The following LHFPL3 variants were observed in gnomAD, a reference collection of about 807,000 sequenced individuals.
LHFPL3 encodes LHFPL tetraspan subfamily member 3 protein.
A neutral mutation model predicts 19.3 loss-of-function variants in LHFPL3; 5 were observed. The ratio of observed to expected loss-of-function variants is 0.26; its 90% CI spans 0.14 to 0.54. The LOEUF (loss-of-function observed/expected upper bound fraction) is 0.54. LHFPL3 is among the 20% of genes least tolerant of loss of function. LHFPL3 has a pLI of 0.94. For missense variants in LHFPL3, 249 were observed against 307.4 expected (o/e 0.81, Z 1.42); for synonymous variants, 133 against 126.2 (o/e 1.05, Z -0.36).
chr7:104,733,342 A>T (rs566838525), intron 1 of LHFPL3, among the ~76,000 whole-genome samples: 2 of 152,182 alleles, frequency 1.3e-5, no homozygotes, highest in South Asian at 4.1e-4. Flanking sequence ...TCCCCTTATT[A>T]TTGTGTGGGA....
intron 1 of LHFPL3, among the ~76,000 whole-genome samples, chr7:104,483,696 G>A (rs1562911791): frequency 6.6e-6 from 1 of 152,132 alleles, no homozygotes; most frequent in Non-Finnish European, 1.5e-5. Context: ...CATCACTGCA[G>A]CCTCAAACTC....
At chr7:104,700,137 T>G (rs925376517) in intron 1 of LHFPL3, among the ~76,000 whole-genome samples, 2 of 152,218 alleles carry the variant, frequency 1.3e-5, no homozygotes, top group Non-Finnish European at 2.9e-5. Flanking sequence ...GTGAGAACCA[T>G]GCAGAATCTA....
At chr7:104,888,048 C>T (rs1290469091) in intron 2 of LHFPL3, among the ~76,000 whole-genome samples, 1 of 152,188 alleles carries the variant, frequency 6.6e-6, no homozygotes, top group African/African-American at 2.4e-5. Context: ...CTGCTGTGGG[C>T]TGATCCTTCA....
chr7:104,338,092 T>C (rs1453505402), intron 1 of LHFPL3, among the ~76,000 whole-genome samples: 2 of 133,394 alleles, frequency 1.5e-5, no homozygotes, highest in Non-Finnish European at 3.1e-5. Context: ...TTTTCCTTTT[T>C]CTTTTTTTTT....
At chr7:104,481,899 A>G (rs1793143571) in intron 1 of LHFPL3, among the ~76,000 whole-genome samples, 2 of 152,196 alleles carry the variant, frequency 1.3e-5, no homozygotes, top group South Asian at 4.1e-4. Context: ...AGGATATGCT[A>G]CTGTGTGGTA....
At chr7:104,906,131 A>T in intron 2 of LHFPL3, 56 bp from the exon 3 acceptor site, 1 of 1,520,760 alleles carries the variant, frequency 6.6e-7, no homozygotes, top group South Asian at 1.2e-5. Context: ...ACAGAAAATG[A>T]TGTATTTTTT....
At chr7:104,633,353 G>A (rs1322941936) in intron 1 of LHFPL3, among the ~76,000 whole-genome samples, 2 of 152,092 alleles carry the variant, frequency 1.3e-5, no homozygotes, top group Admixed American at 1.3e-4. Flanking sequence ...ATCCACAACA[G>A]GCATTTTGTC....
intron 1 of LHFPL3, among the ~76,000 whole-genome samples, chr7:104,344,092 C>A (rs1237261632): frequency 6.6e-6 from 1 of 151,950 alleles, no homozygotes; most frequent in East Asian, 1.9e-4. Flanking sequence ...TTATTGAATG[C>A]AATTCCTGCA....
intron 1 of LHFPL3, among the ~76,000 whole-genome samples, chr7:104,352,563 C>G (rs1297242778): frequency 1.3e-5 from 2 of 152,156 alleles, no homozygotes; most frequent in East Asian, 3.9e-4. Context: ...ATGCATGTCC[C>G]CTTTGATGAG....
At chr7:104,555,137 T>A (rs1794739773) in intron 1 of LHFPL3, among the ~76,000 whole-genome samples, 1 of 152,152 alleles carries the variant, frequency 6.6e-6, no homozygotes, top group South Asian at 2.1e-4. Flanking sequence ...CACCCAGAAA[T>A]GACGCTTTCC....
At chr7:104,845,039 C>T (rs1319592451) in intron 2 of LHFPL3, among the ~76,000 whole-genome samples, 2 of 152,228 alleles carry the variant, frequency 1.3e-5, no homozygotes, top group African/African-American at 4.8e-5. Flanking sequence ...CGCACCCGGC[C>T]TCTAAGTATT....
At chr7:104,588,759 T>A (rs1476781921) in intron 1 of LHFPL3, among the ~76,000 whole-genome samples, 2 of 152,234 alleles carry the variant, frequency 1.3e-5, no homozygotes, top group African/African-American at 4.8e-5. Flanking sequence ...GTATGGAATG[T>A]TCTTCCATTT....
chr7:104,483,812 G>A (rs1793184834), intron 1 of LHFPL3, among the ~76,000 whole-genome samples: 1 of 151,926 alleles, frequency 6.6e-6, no homozygotes, highest in South Asian at 2.1e-4. Flanking sequence ...TTTGTGTAGA[G>A]ACAGAGTCTC....
intron 2 of LHFPL3, among the ~76,000 whole-genome samples, chr7:104,800,501 C>A (rs560740181): frequency 6.6e-6 from 1 of 152,318 alleles, no homozygotes; most frequent in Admixed American, 6.5e-5. Flanking sequence ...TTGTCTCAAA[C>A]ACCCACAACC....
intron 1 of LHFPL3, among the ~76,000 whole-genome samples, chr7:104,655,794 T>A (rs1306218629): frequency 6.6e-6 from 1 of 152,254 alleles, no homozygotes; most frequent in Non-Finnish European, 1.5e-5. Flanking sequence ...TGGTTACCAA[T>A]GACTTTCAGT....
chr7:104,906,445 G>A lies in LHFPL3; in HGVS notation c.*230G>A, dbSNP rs1792617180. On this transcript the variant is annotated 3_prime_UTR_variant, in exon 3 of 3. Transcript: ENST00000424859. The stretch of plus-strand genomic sequence containing the variant: ...AGATGTGATCATGGATTAAACACCA[G>A]CTCATTGGAAACTCATTGGATGAGA... 3.7e-6 allele frequency: 2 copies of A among 536,750 alleles called. No individual in the cohort carries two copies. The highest frequency in any genetic ancestry group is 6.5e-6 in the Non-Finnish European group (2 of 306,038). 33.2% of individuals were successfully genotyped at this position (536,750 alleles called of 1,614,324 possible). A position where few individuals can be genotyped will look rare whatever the true frequency, so the allele number is the denominator to read the frequency against.
chr7:104,614,191 G>A (rs1381064246), intron 1 of LHFPL3, among the ~76,000 whole-genome samples: 1 of 152,154 alleles, frequency 6.6e-6, no homozygotes, highest in African/African-American at 2.4e-5. Context: ...TAGTTGGGCT[G>A]AGGGAGAACA....
chr7:104,568,560 G>T (rs1045369592), intron 1 of LHFPL3, among the ~76,000 whole-genome samples: 1 of 152,146 alleles, frequency 6.6e-6, no homozygotes, highest in Non-Finnish European at 1.5e-5. Flanking sequence ...CCAGTCTACT[G>T]TTCTTTCCAT....
intron 1 of LHFPL3, among the ~76,000 whole-genome samples, chr7:104,422,095 T>C (rs924756005): frequency 6.6e-6 from 1 of 152,232 alleles, no homozygotes; most frequent in Admixed American, 6.5e-5. Context: ...GTGCAGTGGC[T>C]CACGCCTGTA....
Sources: allele counts gnomAD v4.1 joint callset (sites outside exome capture counted in the v4.1 genomes callset), GRCh38; gene constraint gnomAD v4.1.1; transcripts MANE v1.5; gene names NCBI Gene and HGNC (gene_info 2026-07-23, HGNC 2026-07-21).